The following TENT4B variants were observed in gnomAD, a reference collection of about 807,000 sequenced individuals.
TENT4B encodes the protein PAP associated domain containing 5.
TENT4B carries 10 observed loss-of-function variants against 75.0 expected under a neutral mutation model. That is an observed-to-expected ratio of 0.13 (90% CI 0.08 to 0.23). The LOEUF (loss-of-function observed/expected upper bound fraction) is 0.23, where lower values mean the gene tolerates loss of function less well. Ranked by LOEUF, TENT4B falls within the 10% of genes least tolerant of loss-of-function variation. TENT4B has a pLI of 1.00. For synonymous variants in TENT4B, 350 were observed against 357.7 expected (o/e 0.98, Z 0.24); for missense variants, 579 against 893.8 (o/e 0.65, Z 4.49).
intron 1 of TENT4B, among the ~76,000 whole-genome samples, chr16:50,155,157 T>G (rs190548335): frequency 6.6e-6 from 1 of 152,270 alleles, no homozygotes; most frequent in African/African-American, 2.4e-5. Flanking sequence ...CCCTAGTGAA[T>G]TATGTACATA....
chr16:50,154,885 T>G (rs1228499293), intron 1 of TENT4B, among the ~76,000 whole-genome samples: 1 of 152,180 alleles, frequency 6.6e-6, no homozygotes, highest in Non-Finnish European at 1.5e-5. Flanking sequence ...ACAGATGCCC[T>G]GTCTATGCAG....
chr16:50,199,296 G>A (rs2030485274), intron 1 of TENT4B, among the ~76,000 whole-genome samples: 1 of 152,222 alleles, frequency 6.6e-6, no homozygotes. Flanking sequence ...GCCCTGAACT[G>A]CCAGCTGGCT....
chr16:50,233,712 T>G lies in TENT4B; in HGVS notation c.*4384T>G, dbSNP rs937973757. The G allele has an allele frequency of 1.3e-5, 13 of 985,068 alleles. No individual in the cohort carries two copies. The highest frequency in any genetic ancestry group is 1.3e-5 in the Non-Finnish European group (11 of 829,722). 61.0% of individuals were successfully genotyped at this position (985,068 alleles called of 1,614,324 possible). A position where few individuals can be genotyped will look rare whatever the true frequency, so the allele number is the denominator to read the frequency against. On this transcript the variant is annotated 3_prime_UTR_variant, in exon 12 of 12. Coordinates refer to ENST00000561678, the MANE Select transcript of TENT4B (RefSeq NM_001365324.3). ...TTTTTTAAAAAAAATGTGTTTGGCC[T>G]TTACATTTTCTACTTAAGTGTGTAC...
intron 1 of TENT4B, among the ~76,000 whole-genome samples, chr16:50,173,422 C>G (rs2038243744): frequency 1.3e-5 from 2 of 152,176 alleles, no homozygotes; most frequent in South Asian, 4.1e-4. Flanking sequence ...TGGATAAATA[C>G]CAAGGAGCAC....
intron 7 of TENT4B, among the ~76,000 whole-genome samples, chr16:50,224,219 T>C (rs890247359): frequency 6.6e-6 from 1 of 152,156 alleles, no homozygotes; most frequent in Non-Finnish European, 1.5e-5. Flanking sequence ...TGTTCAAAAG[T>C]ATTGGGCCAA....
At position 50,231,016 on chromosome 16, in the gene TENT4B, T is replaced by C; in HGVS notation, c.*1688T>C. ...AATCAGACCATTAATGGACACTTAGTGTAACTTTTTATAAAGAAAATAATG... is the reference window on the plus strand; with the variant it reads ...AATCAGACCATTAATGGACACTTAGCGTAACTTTTTATAAAGAAAATAATG... On this transcript the variant is annotated 3_prime_UTR_variant, in exon 12 of 12. Transcript: ENST00000561678. 1 of 983,400 alleles carries C rather than the reference T, an allele frequency of 1.0e-6. No homozygotes were observed. The highest frequency in any genetic ancestry group is 1.2e-6 in the Non-Finnish European group (1 of 827,726). The allele number at this position is 983,400 out of a possible 1,614,324, so 60.9% of individuals were successfully genotyped here. A position where few individuals can be genotyped will look rare whatever the true frequency, so the allele number is the denominator to read the frequency against.
chr16:50,221,944 A>G (rs1265586732), intron 5 of TENT4B, among the ~76,000 whole-genome samples: 4 of 151,976 alleles, frequency 2.6e-5, no homozygotes, highest in East Asian at 1.9e-4. Context: ...TTGTATTTTT[A>G]GTAGAGATAG....
At position 50,233,251 on chromosome 16, in the gene TENT4B, TAA is replaced by T. The variant is rs1435447934; in HGVS notation, c.*3926_*3927del. On this transcript the variant is annotated 3_prime_UTR_variant, in exon 12 of 12. Coordinates refer to ENST00000561678, the MANE Select transcript of TENT4B (RefSeq NM_001365324.3). ...ACAAAGATTTATATATGAAATTCCT[TAA>T]AAGAGTTCATCTTGCCTTGGTTTCT... 2.0e-6 allele frequency: 2 copies of T among 985,294 alleles called. No homozygotes were observed. The highest frequency in any genetic ancestry group is 2.4e-6 in the Non-Finnish European group (2 of 829,898). The allele number at this position is 985,294 out of a possible 1,614,324, so 61.0% of individuals were successfully genotyped here.
Position 50,154,057 on chromosome 16 carries a change from C to T in TENT4B, c.436C>T (p.Pro146Ser), listed in dbSNP as rs2037838282. The change falls in exon 1 of 12, where the codon CCC becomes TCC. Residue 146 changes from proline (P) to serine (S), a missense_variant. Transcript: ENST00000561678. ...GTCCCCGCACCCTTCGGCCGCCGTC[C>T]CCGCCGCCGATCCAGCCGATTCGGC... ...SSSPHPSAAVPAADPADSASG... is the reference protein window; with the variant it reads ...SSSPHPSAAVSAADPADSASG... 6.5e-7 allele frequency: 1 copy of T among 1,531,418 alleles called. No homozygotes were observed. The highest frequency in any genetic ancestry group is 1.2e-5 in the South Asian group (1 of 83,410). The allele number at this position is 1,531,418 out of a possible 1,614,324, so 94.9% of individuals were successfully genotyped here.
In TENT4B at chr16:50,180,293, G is replaced by A. The variant is rs12924406; in HGVS notation, c.638+26034G>A. On this transcript the variant is annotated intron_variant, in intron 1 of 11. Transcript: ENST00000561678. ...TAATTTTTGTATTTTTATTAGAGAC[G>A]GGATTTCACCATGGTTGGTCAGGTT... 5.3e-5 allele frequency among the ~76,000 whole-genome samples: 8 copies of A among 152,114 alleles called. 1 individual carries two copies. In the South Asian group the frequency reaches 1.2e-3, roughly 24 times the overall value.
At chr16:50,176,539 C>G (rs1404977213) in intron 1 of TENT4B, among the ~76,000 whole-genome samples, 2 of 103,840 alleles carry the variant, frequency 1.9e-5, no homozygotes, top group East Asian at 3.3e-4. Flanking sequence ...TGGAGTCTTG[C>G]TCTGTCGCCC....
intron 1 of TENT4B, among the ~76,000 whole-genome samples, chr16:50,155,089 C>T (rs913031454): frequency 1.3e-5 from 2 of 152,118 alleles, no homozygotes; most frequent in Non-Finnish European, 2.9e-5. Context: ...GTGAATATTG[C>T]ACCACTAGTG....
At chr16:50,189,306 T>C (rs1487181638) in intron 1 of TENT4B, among the ~76,000 whole-genome samples, 2 of 152,204 alleles carry the variant, frequency 1.3e-5, no homozygotes, top group Non-Finnish European at 2.9e-5. Flanking sequence ...CTCAACTGAG[T>C]TGTCCCTATT....
intron 1 of TENT4B, among the ~76,000 whole-genome samples, chr16:50,155,944 C>T (rs929940321): frequency 6.6e-6 from 1 of 152,060 alleles, no homozygotes; most frequent in Non-Finnish European, 1.5e-5. Flanking sequence ...GTCCAAGATG[C>T]TTATTTTTTT....
In TENT4B at chr16:50,230,005, C is replaced by G. The variant is rs962926225; in HGVS notation, c.*677C>G. ...TAGGGAAGTGATTAGTTCTATTACTCAATTTGTTTTTCTCAGCATTGAAAT... is the reference window on the plus strand; with the variant it reads ...TAGGGAAGTGATTAGTTCTATTACTGAATTTGTTTTTCTCAGCATTGAAAT... On this transcript the variant is annotated 3_prime_UTR_variant, in exon 12 of 12. Transcript: ENST00000561678. The G allele has an allele frequency of 1.0e-6, 1 of 980,606 alleles. No individual in the cohort carries two copies. Among genetic ancestry groups the G allele is most frequent in the Non-Finnish European group, 1.2e-6 (1 of 825,636 alleles). The allele number at this position is 980,606 out of a possible 1,614,324, so 60.7% of individuals were successfully genotyped here. A position where few individuals can be genotyped will look rare whatever the true frequency, so the allele number is the denominator to read the frequency against.
At position 50,154,056 on chromosome 16, in the gene TENT4B, C is replaced by A. The variant is rs1428880646; in HGVS notation, c.435C>A (p.Val145=). 1.3e-6 allele frequency: 2 copies of A among 1,531,296 alleles called. No individual in the cohort carries two copies. Among genetic ancestry groups the A allele is most frequent in the African/African-American group, 2.7e-5 (2 of 72,756 alleles). The allele number at this position is 1,531,296 out of a possible 1,614,324, so 94.9% of individuals were successfully genotyped here. The stretch of plus-strand genomic sequence containing the variant: ...CGTCCCCGCACCCTTCGGCCGCCGT[C>A]CCCGCCGCCGATCCAGCCGATTCGG... The part of the protein sequence containing the change: ...ASSSPHPSAA[V]PAADPADSAS... Residue 145 remains valine, a synonymous_variant, in exon 1 of 12, where the codon GTC becomes GTA. Coordinates refer to ENST00000561678, the MANE Select transcript of TENT4B (RefSeq NM_001365324.3).
In TENT4B at chr16:50,229,923, T is replaced by C; in HGVS notation, c.*595T>C. On this transcript the variant is annotated 3_prime_UTR_variant, in exon 12 of 12. Coordinates refer to ENST00000561678, the MANE Select transcript of TENT4B (RefSeq NM_001365324.3). ...CATTACTGTTTAAATTGTAAACAGA[T>C]TTTTTCTCAGGATTAGTTTGAAAAA... 2 of 930,182 alleles carry C rather than the reference T, an allele frequency of 2.2e-6. No individual in the cohort carries two copies. Among genetic ancestry groups the C allele is most frequent in the African/African-American group, 1.8e-5 (1 of 55,678 alleles). The allele number at this position is 930,182 out of a possible 1,614,324, so 57.6% of individuals were successfully genotyped here. A position where few individuals can be genotyped will look rare whatever the true frequency, so the allele number is the denominator to read the frequency against.
intron 1 of TENT4B, among the ~76,000 whole-genome samples, chr16:50,195,305 A>G (rs576056756): frequency 6.6e-6 from 1 of 152,334 alleles, no homozygotes; most frequent in African/African-American, 2.4e-5. Context: ...AGCTAAGGAA[A>G]TGTGGAAGGC....
At chr16:50,209,350 C>G (rs560746451) in intron 1 of TENT4B, among the ~76,000 whole-genome samples, 2 of 152,324 alleles carry the variant, frequency 1.3e-5, no homozygotes, top group East Asian at 3.9e-4. Context: ...CATAAGCTTC[C>G]TAACAGCTAT....
Sources: allele counts gnomAD v4.1 joint callset (sites outside exome capture counted in the v4.1 genomes callset), GRCh38; gene constraint gnomAD v4.1.1; transcripts MANE v1.5; gene names NCBI Gene and HGNC (gene_info 2026-07-23, HGNC 2026-07-21).